Variants in FBXL13 observed in about 807,000 individuals in gnomAD.
FBXL13 encodes F-box and leucine-rich repeat protein 13.
Under a neutral mutation model 83.6 loss-of-function variants are expected in FBXL13, and 67 were observed. The observed-to-expected ratio is 0.80, with a 90% confidence interval of 0.66 to 0.98. FBXL13 has a LOEUF of 0.98. FBXL13 is among the 50% of genes least tolerant of loss of function. The pLI, the probability that FBXL13 is intolerant of heterozygous loss-of-function variation, is 0.00. For synonymous variants in FBXL13, 272 were observed against 299.5 expected (o/e 0.91, Z 0.95); for missense variants, 822 against 866.5 (o/e 0.95, Z 0.64).
At chr7:102,874,447 A>G (rs191058673) in intron 16 of FBXL13, 29 of 666,964 alleles carry the variant, frequency 4.3e-5, no homozygotes, top group African/African-American at 4.3e-4. Flanking sequence ...GCAGAAAACA[A>G]TTAGTATACT....
At chr7:102,834,032 T>G (rs1037331474) in intron 17 of FBXL13, among the ~76,000 whole-genome samples, 3 of 75,470 alleles carry the variant, frequency 4.0e-5, no homozygotes, top group African/African-American at 1.2e-4. Flanking sequence ...GAAACCATGA[T>G]GAAGGAAGGA....
At chr7:102,967,958 T>C (rs1826174061) in intron 7 of FBXL13, 64 bp downstream of exon 8, 5 of 1,274,438 alleles carry the variant, frequency 3.9e-6, no homozygotes, top group Non-Finnish European at 4.5e-6. Flanking sequence ...ACAGCTGGCT[T>C]CACAGCAGTC....
chr7:103,042,857 C>G (rs914176865), intron 2 of FBXL13, among the ~76,000 whole-genome samples: 1 of 152,056 alleles, frequency 6.6e-6, no homozygotes, highest in African/African-American at 2.4e-5. Flanking sequence ...GACCTAACAC[C>G]ATAAAAACCC....
At position 102,888,463 on chromosome 7, in the gene FBXL13, C is replaced by T. The variant is rs555797961; in HGVS notation, c.1009-4151G>A. On this transcript the variant is annotated intron_variant, in intron 11 of 19. Coordinates refer to ENST00000313221, the Ensembl canonical transcript of FBXL13. ...CTGAGGCAGGAGAATCGCCGGGAGG[C>T]GGAACTTGCAGTGAGCTGAGATTGC... Among the ~76,000 whole-genome samples the T allele has an allele frequency of 3.9e-4, 59 of 152,334 alleles. 1 individual carries two copies. The highest frequency in any genetic ancestry group is 6.8e-3 in the Middle Eastern group (2 of 294).
chr7:103,037,227 T>C (rs1258182824), intron 2 of FBXL13, among the ~76,000 whole-genome samples: 1 of 152,216 alleles, frequency 6.6e-6, no homozygotes, highest in Non-Finnish European at 1.5e-5. Context: ...AGTAATGTAC[T>C]CAGTTTCAAA....
intron 2 of FBXL13, among the ~76,000 whole-genome samples, chr7:103,046,635 C>T (rs1796311647): frequency 6.6e-6 from 1 of 152,142 alleles, no homozygotes; most frequent in South Asian, 2.1e-4. Flanking sequence ...CCTATAAGTG[C>T]ACATAATAGA....
At chr7:103,032,999 C>T (rs1306702815) in intron 2 of FBXL13, among the ~76,000 whole-genome samples, 1 of 152,074 alleles carries the variant, frequency 6.6e-6, no homozygotes, top group Non-Finnish European at 1.5e-5. Context: ...CACTGCACTC[C>T]AGCCTGGGCA....
chr7:102,995,306 C>G (rs944314109), intron 6 of FBXL13, among the ~76,000 whole-genome samples: 8 of 145,138 alleles, frequency 5.5e-5, no homozygotes, highest in South Asian at 2.2e-4. Flanking sequence ...ATGGTGAAAC[C>G]CCATCTCTAC....
chr7:102,990,703 T>C (rs146214628), intron 6 of FBXL13, among the ~76,000 whole-genome samples: 1 of 152,192 alleles, frequency 6.6e-6, no homozygotes, highest in African/African-American at 2.4e-5. Context: ...CTGGAAGAGA[T>C]GACATCTGAG....
intron 6 of FBXL13, among the ~76,000 whole-genome samples, chr7:103,018,073 A>G (rs1792602222): frequency 6.6e-6 from 1 of 152,242 alleles, no homozygotes; most frequent in Non-Finnish European, 1.5e-5. Flanking sequence ...GCAGCCAGAA[A>G]GAAAGGTCAG....
At chr7:102,973,802 A>G (rs1827075431) in intron 6 of FBXL13, 4 of 737,918 alleles carry the variant, frequency 5.4e-6, no homozygotes, top group African/African-American at 1.7e-5. Context: ...GTTAACAAGG[A>G]AAAATCCATA....
chr7:102,934,607 G>A (rs141262991), intron 8 of FBXL13: 2 of 1,614,004 alleles, frequency 1.2e-6, no homozygotes, highest in African/African-American at 2.7e-5. Flanking sequence ...GAGACCCCCA[G>A]TCATCAAGCC....
chr7:102,925,908 T>G (rs1028225794), intron 10 of FBXL13, among the ~76,000 whole-genome samples: 1 of 142,546 alleles, frequency 7.0e-6, no homozygotes, highest in Non-Finnish European at 1.5e-5. Context: ...GCCACTGCAC[T>G]GCAGCCTGGG....
Position 102,902,566 on chromosome 7 carries a change from G to A in FBXL13, c.1008+10520C>T, listed in dbSNP as rs185632324. Among the ~76,000 whole-genome samples, 31 of 152,178 alleles carry A rather than the reference G, an allele frequency of 2.0e-4. No homozygotes were observed. The East Asian group carries it at 6.0e-3, about 29-fold the overall frequency. Reference sequence around the variant, plus strand: ...CTCTTGTAGTAGTTTCAAAGTTTGAGGTCTTAGATTTAAATATTTAATCCA... The same window carrying A: ...CTCTTGTAGTAGTTTCAAAGTTTGAAGTCTTAGATTTAAATATTTAATCCA... On this transcript the variant is annotated intron_variant, in intron 11 of 19. Transcript: ENST00000313221.
At chr7:102,838,349 ATAGT>A (rs1802358017) in intron 17 of FBXL13, among the ~76,000 whole-genome samples, 2 of 152,282 alleles carry the variant, frequency 1.3e-5, no homozygotes, top group Non-Finnish European at 2.9e-5. Context: ...TACCTTGCAC[ATAGT>A]TAGCAGTCAG....
intron 8 of FBXL13, among the ~76,000 whole-genome samples, chr7:102,953,307 T>C (rs1160447546): frequency 6.6e-6 from 1 of 151,898 alleles, no homozygotes; most frequent in Non-Finnish European, 1.5e-5. Context: ...TACACCATGA[T>C]GTACGAACAA....
At chr7:102,812,837 CTTCT>C (rs983652183), downstream of FBXL13, among the ~76,000 whole-genome samples, 2 of 143,094 alleles carry the variant, frequency 1.4e-5, no homozygotes, top group African/African-American at 5.1e-5. Flanking sequence ...CTTGATTTGG[CTTCT>C]TTTTTTTTTT....
chr7:102,934,091 C>A, intron 8 of FBXL13: 1 of 1,614,176 alleles, frequency 6.2e-7, no homozygotes, highest in Non-Finnish European at 8.5e-7. Context: ...GTACACATAT[C>A]TCCATGAGAA....
At chr7:103,038,985 G>C (rs1020256287) in intron 2 of FBXL13, among the ~76,000 whole-genome samples, 1 of 152,220 alleles carries the variant, frequency 6.6e-6, no homozygotes, top group African/African-American at 2.4e-5. Context: ...CAAGTTGACA[G>C]AAGTAGGCTT....
Sources: allele counts gnomAD v4.1 joint callset (sites outside exome capture counted in the v4.1 genomes callset), GRCh38; gene constraint gnomAD v4.1.1; transcripts MANE v1.5; gene names NCBI Gene and HGNC (gene_info 2026-07-23, HGNC 2026-07-21).